LOC112694756: variants seen among roughly 807,000 people sequenced by gnomAD.
At chr16:30,055,104 C>T in the LOC112694756 span, 1 of 399,084 alleles carries the variant, frequency 2.5e-6, no homozygotes, top group Admixed American at 4.4e-5. Flanking sequence ...TTTTCCTTTC[C>T]CCTCGGGAAA....
chr16:30,067,364 C>G, the LOC112694756 span: 6 of 1,614,064 alleles, frequency 3.7e-6, no homozygotes, highest in South Asian at 6.6e-5. Context: ...GATGAGTCCA[C>G]TGGTGCGGGC....
chr16:30,061,372 G>A, the LOC112694756 span, among the ~76,000 whole-genome samples: 1 of 152,110 alleles, frequency 6.6e-6, no homozygotes, highest in Non-Finnish European at 1.5e-5. Flanking sequence ...TGCTGAGCAT[G>A]AGTCCAGTGC....
At chr16:30,057,148 T>G in the LOC112694756 span, among the ~76,000 whole-genome samples, 77,642 of 151,434 alleles carry the variant, frequency 0.51, 20,751 homozygotes, top group African/African-American at 0.67. Context: ...GACCTCAGGT[T>G]ATCTGCCTGC....
At chr16:30,070,085 G>A in the LOC112694756 span, 3 of 1,613,722 alleles carry the variant, frequency 1.9e-6, no homozygotes, top group Non-Finnish European at 2.5e-6. Flanking sequence ...TCGGAGAAGA[G>A]CCCTTCTCAC....
chr16:30,067,683 G>C, the LOC112694756 span: 1 of 1,613,706 alleles, frequency 6.2e-7, no homozygotes, highest in Admixed American at 1.7e-5. Flanking sequence ...GCCTCCGGAC[G>C]TGAGGTTTGA....
At chr16:30,054,817 C>T in the LOC112694756 span, 1 of 399,286 alleles carries the variant, frequency 2.5e-6, no homozygotes, top group Non-Finnish European at 4.4e-6. Flanking sequence ...AACCCCGGCT[C>T]CTGTCAGCAG....
chr16:30,069,589 G>A, the LOC112694756 span: 10 of 1,613,976 alleles, frequency 6.2e-6, no homozygotes, highest in South Asian at 6.6e-5. Flanking sequence ...CCCAGGCCAT[G>A]CTTGCACTCA....
chr16:30,057,130 G>A, the LOC112694756 span, among the ~76,000 whole-genome samples: 3 of 151,750 alleles, frequency 2.0e-5, no homozygotes, highest in Non-Finnish European at 2.9e-5. Context: ...GGGTGGTCTC[G>A]AACTCCCGAC....
chr16:30,065,986 G>T, the LOC112694756 span: 1 of 153,076 alleles, frequency 6.5e-6, no homozygotes, highest in Non-Finnish European at 1.5e-5. Context: ...CTTGGGGGCA[G>T]TGGCGGGTTG....
chr16:30,067,009 A>C, the LOC112694756 span: 6 of 1,570,408 alleles, frequency 3.8e-6, no homozygotes, highest in Non-Finnish European at 5.2e-6. Flanking sequence ...TCAGCTGGGC[A>C]ACACCCAGCA....
chr16:30,069,642 G>A, the LOC112694756 span: 28 of 1,613,606 alleles, frequency 1.7e-5, no homozygotes, highest in Non-Finnish European at 2.0e-5. Flanking sequence ...CCGTCACAGC[G>A]CTGCGCCGCA....
chr16:30,054,531 G>A, the LOC112694756 span: 1 of 322,092 alleles, frequency 3.1e-6, no homozygotes, highest in Non-Finnish European at 5.6e-6. Flanking sequence ...CTTTGGAGAG[G>A]CATTCCAGAA....
the LOC112694756 span, chr16:30,069,809 C>A: frequency 6.2e-7 from 1 of 1,613,998 alleles, no homozygotes; most frequent in East Asian, 2.2e-5. Flanking sequence ...CAGCCCCTCT[C>A]GCCTCACCCC....
the LOC112694756 span, among the ~76,000 whole-genome samples, chr16:30,063,216 T>G: frequency 6.6e-6 from 1 of 152,130 alleles, no homozygotes; most frequent in African/African-American, 2.4e-5. Flanking sequence ...AAATCATTCA[T>G]GAATGCGGTC....
At chr16:30,060,857 T>C in the LOC112694756 span, among the ~76,000 whole-genome samples, 3 of 152,178 alleles carry the variant, frequency 2.0e-5, no homozygotes, top group African/African-American at 7.2e-5. Context: ...CTGTTGACAG[T>C]AGCACAGCCC....
At chr16:30,064,201 G>T in the LOC112694756 span, 1 of 397,928 alleles carries the variant, frequency 2.5e-6, no homozygotes, top group Non-Finnish European at 4.4e-6. Flanking sequence ...GGGTACGCAG[G>T]GGTGCCTCAA....
the LOC112694756 span, chr16:30,068,214 G>A: frequency 1.2e-4 from 37 of 315,210 alleles, no homozygotes; most frequent in Non-Finnish European, 1.8e-4. Flanking sequence ...ACAGGCGCCC[G>A]CCACCACCCG....
the LOC112694756 span, chr16:30,067,280 C>A: frequency 6.2e-7 from 1 of 1,612,516 alleles, no homozygotes; most frequent in Non-Finnish European, 8.5e-7. Context: ...CCAGCACTGA[C>A]CCCGGAGCAG....
chr16:30,070,118 C>T, the LOC112694756 span: 16 of 1,613,916 alleles, frequency 9.9e-6, no homozygotes, highest in African/African-American at 1.3e-5. Flanking sequence ...CCTGCTTAGG[C>T]CAACAGCCTT....
Sources: gnomAD v4.1 joint callset for allele counts (sites outside exome capture counted in the v4.1 genomes callset) on GRCh38, gnomAD v4.1.1 for gene constraint, MANE v1.5 for transcripts.